The following PPP3R1 variants were observed in gnomAD, a reference collection of about 807,000 sequenced individuals.
The protein encoded by PPP3R1 is calcineurin subunit B type 1.
PPP3R1 carries 5 observed loss-of-function variants against 22.6 expected under a neutral mutation model. The observed-to-expected ratio is 0.22, with a 90% CI of 0.12 to 0.46. The LOEUF (loss-of-function observed/expected upper bound fraction) is 0.46. Among genes scored for constraint, PPP3R1 ranks in the 20% least tolerant of loss-of-function variants. The pLI is 0.99. For synonymous variants in PPP3R1, 56 were observed against 65.2 expected (o/e 0.86, Z 0.68); for missense variants, 61 against 203.2 (o/e 0.30, Z 4.25).
At chr2:68,223,787 A>C (rs985081899) in intron 1 of PPP3R1, among the ~76,000 whole-genome samples, 1 of 151,518 alleles carries the variant, frequency 6.6e-6, no homozygotes, top group Non-Finnish European at 1.5e-5. Context: ...AGACATCTGC[A>C]CAAATACAAA....
At chr2:68,223,079 C>A (rs888082501) in intron 1 of PPP3R1, among the ~76,000 whole-genome samples, 7 of 152,036 alleles carry the variant, frequency 4.6e-5, no homozygotes, top group Non-Finnish European at 8.8e-5. Context: ...ACTGTGATGC[C>A]AAAATCAGAC....
chr2:68,201,289 C>A (rs1209579955), intron 2 of PPP3R1, among the ~76,000 whole-genome samples: 1 of 152,088 alleles, frequency 6.6e-6, no homozygotes, highest in Non-Finnish European at 1.5e-5. Context: ...CAAAAGAATG[C>A]ATATTTAAGA....
chr2:68,186,741 C>T, intron 4 of PPP3R1, 89 bp from the exon 5 acceptor site: 2 of 1,178,690 alleles, frequency 1.7e-6, no homozygotes, highest in Admixed American at 2.5e-5. Flanking sequence ...AACTGACAAA[C>T]ATCAAAATTA....
chr2:68,224,965 T>C (rs534750417), intron 1 of PPP3R1, among the ~76,000 whole-genome samples: 83 of 152,236 alleles, frequency 5.5e-4, no homozygotes, highest in Non-Finnish European at 1.0e-3. Context: ...ATTAGAGAAA[T>C]GCAAGTTAAA....
At chr2:68,238,808 G>A (rs1232697790) in intron 1 of PPP3R1, among the ~76,000 whole-genome samples, 1 of 152,070 alleles carries the variant, frequency 6.6e-6, no homozygotes, top group Non-Finnish European at 1.5e-5. Flanking sequence ...TAAATGAAAA[G>A]ACACGTTTGC....
chr2:68,240,974 AGAG>A (rs1271709401), intron 1 of PPP3R1, among the ~76,000 whole-genome samples: 8 of 152,266 alleles, frequency 5.3e-5, no homozygotes, highest in Non-Finnish European at 4.4e-5. Flanking sequence ...AGAAGCCAAA[AGAG>A]GAGAATTTCA....
At chr2:68,221,063 G>A (rs2103777109) in intron 1 of PPP3R1, among the ~76,000 whole-genome samples, 1 of 152,008 alleles carries the variant, frequency 6.6e-6, no homozygotes, top group South Asian at 2.1e-4. Flanking sequence ...CAGGCATGGT[G>A]GCTCACGCCT....
intron 1 of PPP3R1, among the ~76,000 whole-genome samples, chr2:68,239,577 C>T (rs1670079841): frequency 6.6e-6 from 1 of 151,986 alleles, no homozygotes; most frequent in African/African-American, 2.4e-5. Flanking sequence ...TAAATAGTAT[C>T]CAGTAAGCAG....
chr2:68,188,080 G>C (rs1401508448), intron 3 of PPP3R1, among the ~76,000 whole-genome samples: 1 of 152,150 alleles, frequency 6.6e-6, no homozygotes, highest in Non-Finnish European at 1.5e-5. Flanking sequence ...TGAGACAGGA[G>C]AATTGCTTGA....
At chr2:68,252,063 C>A in intron 1 of PPP3R1, 62 bp downstream of exon 1, 1 of 1,366,798 alleles carries the variant, frequency 7.3e-7, no homozygotes, top group Non-Finnish European at 9.7e-7. Flanking sequence ...CTCGCCCCCG[C>A]ACCCGACCCG....
intron 2 of PPP3R1, among the ~76,000 whole-genome samples, chr2:68,190,757 TC>T (rs1457645113): frequency 6.6e-6 from 1 of 152,032 alleles, no homozygotes; most frequent in Non-Finnish European, 1.5e-5. Context: ...GTTTTTATGC[TC>T]CCCCTCACCC....
rs1389821443 is a variant in PPP3R1, at chr2:68,199,460, G to A, written c.44-10770C>T. The stretch of plus-strand genomic sequence containing the variant: ...AATCTCAAGTCTTTTTCTTTTTCTT[G>A]ATCATGTTGTGACTAGGACTTCAAA... On this transcript the variant is annotated intron_variant, in intron 2 of 5. Transcript: ENST00000234310. Among the ~76,000 whole-genome samples the A allele has an allele frequency of 2.6e-5, 4 of 152,006 alleles. No individual in the cohort carries two copies. The East Asian group carries it at 7.7e-4, about 29-fold the overall frequency.
intron 1 of PPP3R1, among the ~76,000 whole-genome samples, chr2:68,226,943 A>C (rs145103133): frequency 5.9e-5 from 9 of 152,208 alleles, no homozygotes; most frequent in African/African-American, 2.2e-4. Flanking sequence ...CATACATTTT[A>C]AATAAGCAAA....
intron 2 of PPP3R1, among the ~76,000 whole-genome samples, chr2:68,216,477 TA>T (rs757456785): frequency 4.4e-4 from 66 of 150,092 alleles, no homozygotes; most frequent in East Asian, 2.3e-3. Flanking sequence ...AATTAAAAAT[TA>T]AAAAAAAAAA....
intron 1 of PPP3R1, among the ~76,000 whole-genome samples, chr2:68,250,094 T>G (rs1670314411): frequency 6.6e-6 from 1 of 151,614 alleles, no homozygotes; most frequent in Non-Finnish European, 1.5e-5. Flanking sequence ...ACCCTAAAGT[T>G]GGAAAGCCAC....
intron 2 of PPP3R1, among the ~76,000 whole-genome samples, chr2:68,208,523 A>G (rs1472990813): frequency 6.6e-6 from 1 of 152,242 alleles, no homozygotes; most frequent in Non-Finnish European, 1.5e-5. Context: ...TTCCTGGTCT[A>G]GAGGCTAGTA....
chr2:68,211,024 T>C (rs1358640581), intron 2 of PPP3R1, among the ~76,000 whole-genome samples: 1 of 152,186 alleles, frequency 6.6e-6, no homozygotes, highest in Non-Finnish European at 1.5e-5. Context: ...TTCCAGTGCA[T>C]ATAAAAGTTA....
At chr2:68,229,897 TAC>T (rs753718008) in intron 1 of PPP3R1, among the ~76,000 whole-genome samples, 7 of 151,644 alleles carry the variant, frequency 4.6e-5, no homozygotes, top group Non-Finnish European at 7.4e-5. Context: ...TATATATATA[TAC>T]GGGTGTGTGT....
At chr2:68,217,066 C>T in intron 2 of PPP3R1, 26 bp downstream of exon 2, 2 of 1,534,402 alleles carry the variant, frequency 1.3e-6, no homozygotes, top group Non-Finnish European at 1.8e-6. Context: ...ATAAAAGTAA[C>T]TTTTGGTAAC....
Sources: allele counts gnomAD v4.1 joint callset (sites outside exome capture counted in the v4.1 genomes callset), GRCh38; gene constraint gnomAD v4.1.1; transcripts MANE v1.5; gene names NCBI Gene and HGNC (gene_info 2026-07-23, HGNC 2026-07-21).